SFMBT2: variants seen among roughly 807,000 people sequenced by gnomAD.
SFMBT2 encodes Scm like with four mbt domains 2, also known as scm-like with four MBT domains protein 2.
A neutral mutation model predicts 110.1 loss-of-function variants in SFMBT2; 38 were observed. That is an observed-to-expected ratio of 0.35 (90% CI 0.27 to 0.45). The LOEUF is 0.45. SFMBT2 is among the 20% of genes least tolerant of loss of function. The probability of loss-of-function intolerance (pLI) is 1.00; values close to 1 mark genes in which losing one functional copy is unlikely to be tolerated. For synonymous variants in SFMBT2, 425 were observed against 425.4 expected, an observed-to-expected ratio of 1.00 and a Z score of 0.01; for missense variants, 1,011 against 1,094.9, an observed-to-expected ratio of 0.92 and a Z score of 1.08.
chr10:7,346,176 T>C (rs1844101208), intron 4 of SFMBT2, among the ~76,000 whole-genome samples: 1 of 152,242 alleles, frequency 6.6e-6, no homozygotes, highest in African/African-American at 2.4e-5. Flanking sequence ...TGTATAATTT[T>C]TGCTCTTATC....
chr10:7,170,739 G>A lies in SFMBT2; in HGVS notation c.2544+189C>T, dbSNP rs1432349457. On this transcript the variant is annotated intron_variant, in intron 20 of 20. Transcript: ENST00000397167. This position sits in a 1 kb window ranked among gnomAD's most constrained non-coding sequence, Gnocchi z 4.6. ...GGGGCCTGAGAGGAGCAGGAATGAG[G>A]CTCTGTCTCTCGTCCCTGCCAGGCA... Among the ~76,000 whole-genome samples, 1 of 152,120 alleles carries A rather than the reference G, an allele frequency of 6.6e-6. No homozygotes were observed. The highest frequency in any genetic ancestry group is 6.5e-5 in the Admixed American group (1 of 15,288).
intron 4 of SFMBT2, among the ~76,000 whole-genome samples, chr10:7,337,713 T>C (rs1391548488): frequency 6.6e-6 from 1 of 152,162 alleles, no homozygotes; most frequent in Non-Finnish European, 1.5e-5. Context: ...TATTTCTTTG[T>C]AGCAGTGTGA....
intron 12 of SFMBT2, chr10:7,204,278 T>C (rs1839056465): frequency 1.1e-6 from 1 of 911,824 alleles, no homozygotes; most frequent in Non-Finnish European, 1.3e-6. Flanking sequence ...CCTGAAACTC[T>C]GTCGCCATCA....
chr10:7,211,830 G>C (rs1839359636), intron 11 of SFMBT2, among the ~76,000 whole-genome samples: 1 of 151,890 alleles, frequency 6.6e-6, no homozygotes, highest in Non-Finnish European at 1.5e-5. Flanking sequence ...GACTTTTTTT[G>C]CCAGTTACGG....
intron 4 of SFMBT2, among the ~76,000 whole-genome samples, chr10:7,344,373 T>C (rs1177294372): frequency 6.6e-6 from 1 of 152,152 alleles, no homozygotes; most frequent in African/African-American, 2.4e-5. Context: ...ATCCTGATAG[T>C]GAGTAAGTCT....
intron 9 of SFMBT2, among the ~76,000 whole-genome samples, chr10:7,238,012 C>A (rs76440753): frequency 6.6e-6 from 1 of 152,110 alleles, no homozygotes; most frequent in Non-Finnish European, 1.5e-5. Flanking sequence ...CGGGAGATGA[C>A]GCTGGACAGG....
chr10:7,165,854 C>G (rs943238031), intron 20 of SFMBT2, among the ~76,000 whole-genome samples: 4 of 152,222 alleles, frequency 2.6e-5, no homozygotes, highest in Admixed American at 2.6e-4. Context: ...CTGATTGCAG[C>G]TGGGGGGATT....
intron 14 of SFMBT2, among the ~76,000 whole-genome samples, chr10:7,198,447 C>T (rs984653158): frequency 5.9e-5 from 9 of 152,210 alleles, no homozygotes; most frequent in East Asian, 3.8e-4. Flanking sequence ...CACAGGTCTG[C>T]GCATCTGTAT....
At chr10:7,327,701 G>A (rs1037392131) in intron 4 of SFMBT2, among the ~76,000 whole-genome samples, 4 of 151,086 alleles carry the variant, frequency 2.6e-5, no homozygotes, top group Non-Finnish European at 5.9e-5. Context: ...AAAAAAGAAC[G>A]TCATATAAAT....
At chr10:7,305,160 G>A (rs74576085) in intron 4 of SFMBT2, among the ~76,000 whole-genome samples, 1 of 152,152 alleles carries the variant, frequency 6.6e-6, no homozygotes, top group South Asian at 2.1e-4. Context: ...GGTAATTACT[G>A]AATCTCAAAA....
chr10:7,172,490 C>T lies in SFMBT2; in HGVS notation c.2151+5G>A. ...AGGCTGGCAGGTGCCCCGGGCAGAA[C>T]ATACCTCCCCCGAGCCCGCGGTGAA... On this transcript the variant is annotated splice_donor_5th_base_variant and intron_variant, in intron 18 of 20. Coordinates refer to ENST00000397167, the MANE Select transcript of SFMBT2 (RefSeq NM_001387889.1). The surrounding 1 kb of genome is among the most constrained non-coding windows in gnomAD (Gnocchi z 4.6). 2 of 1,613,578 alleles carry T rather than the reference C, an allele frequency of 1.2e-6. No individual in the cohort carries two copies. The highest frequency in any genetic ancestry group is 1.1e-5 in the South Asian group (1 of 91,052).
chr10:7,334,238 C>G (rs987450020), intron 4 of SFMBT2, among the ~76,000 whole-genome samples: 1 of 152,154 alleles, frequency 6.6e-6, no homozygotes, highest in Non-Finnish European at 1.5e-5. Context: ...CCTGGAGAAC[C>G]AGGCTCAGAA....
intron 4 of SFMBT2, among the ~76,000 whole-genome samples, chr10:7,288,759 G>A (rs116367000): frequency 0.044 from 6,653 of 152,160 alleles, 180 homozygotes; most frequent in South Asian, 0.054. Context: ...GGCCAGGTGC[G>A]GTGGCTCACA....
At chr10:7,198,306 A>T (rs1838840875) in intron 14 of SFMBT2, 1 of 215,696 alleles carries the variant, frequency 4.6e-6, no homozygotes, top group African/African-American at 2.4e-5. Flanking sequence ...CTAGTCTCTT[A>T]CTGCTGGATA....
At chr10:7,317,817 C>A (rs989071426) in intron 4 of SFMBT2, among the ~76,000 whole-genome samples, 5 of 152,056 alleles carry the variant, frequency 3.3e-5, no homozygotes, top group Non-Finnish European at 7.4e-5. Flanking sequence ...TTCTATTAAA[C>A]CACCAAGGAA....
chr10:7,354,083 T>C, intron 4 of SFMBT2, among the ~76,000 whole-genome samples: 1 of 140,718 alleles, frequency 7.1e-6, no homozygotes, highest in African/African-American at 2.8e-5. Context: ...CGAGACTCCC[T>C]CTCCAAAAAA....
chr10:7,366,559 A>C (rs894159002), intron 4 of SFMBT2, among the ~76,000 whole-genome samples: 24 of 152,200 alleles, frequency 1.6e-4, no homozygotes, highest in African/African-American at 5.5e-4. Context: ...CAAGATGAAA[A>C]CAGGCAGCTA....
chr10:7,256,965 G>A (rs1419794587), intron 7 of SFMBT2, among the ~76,000 whole-genome samples: 3 of 151,900 alleles, frequency 2.0e-5, no homozygotes, highest in African/African-American at 4.8e-5. Context: ...GGCGGTGGGC[G>A]CCTGTAATCC....
At chr10:7,164,511 T>A in intron 20 of SFMBT2, 2 of 914,698 alleles carry the variant, frequency 2.2e-6, no homozygotes, top group Non-Finnish European at 2.6e-6. Flanking sequence ...GCTGCGGGAA[T>A]TGCTTCCCAA....
Sources: gnomAD v4.1 joint callset for allele counts (sites outside exome capture counted in the v4.1 genomes callset) on GRCh38, gnomAD v4.1.1 for gene constraint, Gnocchi (gnomAD v3.1) non-coding constraint, MANE v1.5 for transcripts, NCBI Gene and HGNC (gene_info 2026-07-23, HGNC 2026-07-21) for gene names.